ROBO2: variants seen among roughly 807,000 people sequenced by gnomAD.
ROBO2 encodes roundabout guidance receptor 2, also known as roundabout homolog 2.
In ROBO2, 53 loss-of-function variants were observed where a neutral mutation model predicts 160.8. That is an observed-to-expected ratio of 0.33 (90% confidence interval 0.26 to 0.41). The LOEUF (loss-of-function observed/expected upper bound fraction) is 0.41, where lower values mean the gene tolerates loss of function less well. ROBO2 is among the 10% of genes least tolerant of loss of function. The probability of loss-of-function intolerance (pLI) is 1.00; values close to 1 mark genes in which losing one functional copy is unlikely to be tolerated. For synonymous variants in ROBO2, 664 were observed against 611.7 expected (o/e 1.09, Z -1.26); for missense variants, 1,577 against 1,722.4 (o/e 0.92, Z 1.49).
chr3:76,977,634 T>C (rs1161277698), intron 2 of ROBO2, among the ~76,000 whole-genome samples: 1 of 152,134 alleles, frequency 6.6e-6, no homozygotes, highest in East Asian at 1.9e-4. Context: ...TGAATTTTGT[T>C]GATTCATTAT....
chr3:76,384,115 G>A (rs760584415), intron 2 of ROBO2, among the ~76,000 whole-genome samples: 30 of 152,220 alleles, frequency 2.0e-4, no homozygotes, highest in Non-Finnish European at 4.1e-4. Flanking sequence ...GCATATCAAC[G>A]CTTTCTTTGC....
At chr3:75,930,373 G>T (rs563918847) in intron 1 of ROBO2, among the ~76,000 whole-genome samples, 1 of 151,946 alleles carries the variant, frequency 6.6e-6, no homozygotes, top group South Asian at 2.1e-4. Context: ...CAGTTTCCAC[G>T]TTTTCCTCCT....
At chr3:75,960,341 G>A (rs1317765127) in intron 2 of ROBO2, among the ~76,000 whole-genome samples, 1 of 151,722 alleles carries the variant, frequency 6.6e-6, no homozygotes, top group Non-Finnish European at 1.5e-5. Context: ...CTATAATCTT[G>A]TGACAGGATA....
intron 2 of ROBO2, among the ~76,000 whole-genome samples, chr3:77,423,439 T>TTA (rs1266828472): frequency 6.6e-6 from 1 of 152,280 alleles, no homozygotes; most frequent in East Asian, 1.9e-4. Flanking sequence ...ATTATTAAGG[T>TTA]TATACTAGGT....
chr3:76,538,872 A>T (rs1238612781), intron 2 of ROBO2, among the ~76,000 whole-genome samples: 1 of 152,168 alleles, frequency 6.6e-6, no homozygotes, highest in Admixed American at 6.6e-5. Context: ...TTTACATTTT[A>T]ATATCTGTAA....
At chr3:76,595,076 C>A (rs2086655660) in intron 2 of ROBO2, among the ~76,000 whole-genome samples, 1 of 151,812 alleles carries the variant, frequency 6.6e-6, no homozygotes, top group Admixed American at 6.6e-5. Flanking sequence ...AGAAAACAGC[C>A]CTTTTGCAAA....
At chr3:77,080,883 C>T (rs890423903) in intron 1 of ROBO2, among the ~76,000 whole-genome samples, 2 of 152,098 alleles carry the variant, frequency 1.3e-5, no homozygotes, top group Non-Finnish European at 2.9e-5. Flanking sequence ...ATATATTAAT[C>T]GGATTACATA....
At chr3:77,411,219 G>T (rs1416654486) in intron 2 of ROBO2, among the ~76,000 whole-genome samples, 1 of 152,126 alleles carries the variant, frequency 6.6e-6, no homozygotes, top group Non-Finnish European at 1.5e-5. Flanking sequence ...ACAAAGTCCT[G>T]CTCTTGAGTC....
chr3:76,346,906 A>G (rs1220317486), intron 2 of ROBO2, among the ~76,000 whole-genome samples: 2 of 152,174 alleles, frequency 1.3e-5, no homozygotes, highest in African/African-American at 4.8e-5. Flanking sequence ...TCAATTGAGA[A>G]TAAAAGCATA....
chr3:77,403,187 C>G (rs561510921), intron 2 of ROBO2, among the ~76,000 whole-genome samples: 5 of 152,198 alleles, frequency 3.3e-5, no homozygotes, highest in South Asian at 2.1e-4. Flanking sequence ...AGCTAGTTAA[C>G]ATGTGCATTG....
intron 2 of ROBO2, among the ~76,000 whole-genome samples, chr3:76,485,058 G>C (rs1414617492): frequency 6.6e-6 from 1 of 152,058 alleles, no homozygotes; most frequent in Non-Finnish European, 1.5e-5. Context: ...CAGTTTTAAG[G>C]AAGGCAATTT....
At chr3:77,286,335 C>A (rs1473080445) in intron 2 of ROBO2, among the ~76,000 whole-genome samples, 1 of 148,396 alleles carries the variant, frequency 6.7e-6, no homozygotes, top group Non-Finnish European at 1.5e-5. Context: ...CTGCTCACTG[C>A]AACCTCCACC....
chr3:76,295,909 A>G (rs975573834), intron 2 of ROBO2, among the ~76,000 whole-genome samples: 4 of 152,154 alleles, frequency 2.6e-5, no homozygotes, highest in Non-Finnish European at 4.4e-5. Context: ...AAGCTAGTAT[A>G]ATACTGCAAA....
intron 2 of ROBO2, among the ~76,000 whole-genome samples, chr3:76,457,962 A>T (rs1183555754): frequency 6.6e-6 from 1 of 151,902 alleles, no homozygotes; most frequent in Non-Finnish European, 1.5e-5. Context: ...TGGCCCACGA[A>T]ATCACTTTTT....
At chr3:76,947,357 G>T (rs1577722625) in intron 2 of ROBO2, among the ~76,000 whole-genome samples, 1 of 151,878 alleles carries the variant, frequency 6.6e-6, no homozygotes, top group South Asian at 2.1e-4. Context: ...GAATAGTCTT[G>T]TTGGAACAAA....
At chr3:77,427,020 T>G (rs2153537908) in intron 2 of ROBO2, among the ~76,000 whole-genome samples, 1 of 150,828 alleles carries the variant, frequency 6.6e-6, no homozygotes, top group Non-Finnish European at 1.5e-5. Flanking sequence ...CATATTTTAA[T>G]TTAACATTGA....
chr3:77,317,164 GCCCTGTAAC>G (rs2064087595), intron 2 of ROBO2: 1 of 996,766 alleles, frequency 1.0e-6, no homozygotes, highest in East Asian at 2.4e-5. Flanking sequence ...CAGCCAGCCA[GCCCTGTAAC>G]CCGGCACTAG....
chr3:77,510,396 A>G (rs1451415079), intron 5 of ROBO2, among the ~76,000 whole-genome samples: 1 of 152,050 alleles, frequency 6.6e-6, no homozygotes, highest in Admixed American at 6.6e-5. Flanking sequence ...CTGTGAACTG[A>G]ATAAGTGAGG....
In ROBO2 at chr3:77,252,831, A is replaced by AATATATATATATAT. The variant is rs1553872376; in HGVS notation, c.388+154498_388+154511dup. 2.4e-3 allele frequency among the ~76,000 whole-genome samples: 30 copies of AATATATATATATAT among 12,516 alleles called. 3 individuals are homozygous for AATATATATATATAT. The highest frequency in any genetic ancestry group is 4.3e-3 in the African/African-American group (27 of 6,314). The allele number at this position is 12,516 out of a possible 152,430, so 8.2% of individuals were successfully genotyped here. ...TCAAAAAAAAAAAAAAAAAAAAAAAAATATATATATATATATATATGAAAA... is the reference window on the plus strand; with the variant it reads ...TCAAAAAAAAAAAAAAAAAAAAAAAAATATATATATATATATATATATATATATATATATGAAAA... On this transcript the variant is annotated intron_variant, in intron 2 of 25. Transcript: ENST00000461745.
Sources: gnomAD v4.1 joint callset for allele counts (sites outside exome capture counted in the v4.1 genomes callset) on GRCh38, gnomAD v4.1.1 for gene constraint, MANE v1.5 for transcripts, NCBI Gene and HGNC (gene_info 2026-07-23, HGNC 2026-07-21) for gene names.